LRRFIP1: variants seen among roughly 807,000 people sequenced by gnomAD.
LRRFIP1 encodes the protein leucine-rich repeat flightless-interacting protein 1.
Under a neutral mutation model 104.4 loss-of-function variants are expected in LRRFIP1, and 62 were observed. The ratio of observed to expected loss-of-function variants is 0.59; its 90% CI spans 0.48 to 0.73. LRRFIP1 has a LOEUF of 0.73. LRRFIP1 is among the 30% of genes least tolerant of loss of function. The pLI is 0.00. For synonymous variants in LRRFIP1, 300 were observed against 299.0 expected (o/e 1.00, Z -0.03); for missense variants, 796 against 824.5 (o/e 0.97, Z 0.42).
chr2:237,749,878 A>T (rs1010941780), intron 13 of LRRFIP1, among the ~76,000 whole-genome samples: 1 of 152,064 alleles, frequency 6.6e-6, no homozygotes, highest in Admixed American at 6.6e-5. Context: ...AGTGCCAGGC[A>T]TTTGGTAGTA....
chr2:237,709,397 G>A (rs899478405), intron 2 of LRRFIP1, among the ~76,000 whole-genome samples: 5 of 152,174 alleles, frequency 3.3e-5, no homozygotes, highest in African/African-American at 1.2e-4. Flanking sequence ...CCACCCCCAA[G>A]AGCTTTTCTT....
chr2:237,709,870 T>G (rs1169347520), intron 2 of LRRFIP1, among the ~76,000 whole-genome samples: 3 of 152,070 alleles, frequency 2.0e-5, no homozygotes, highest in East Asian at 1.9e-4. Flanking sequence ...TTTTTTTTTT[T>G]GAGATCAAGT....
chr2:237,714,776 CCT>C (rs1189744995), intron 3 of LRRFIP1, among the ~76,000 whole-genome samples: 2 of 152,278 alleles, frequency 1.3e-5, no homozygotes, highest in African/African-American at 4.8e-5. Context: ...AAATGACGTG[CCT>C]CTCTGTTTCC....
intron 19 of LRRFIP1, chr2:237,768,944 G>A (rs1233175546): frequency 1.3e-5 from 2 of 152,274 alleles, no homozygotes; most frequent in Admixed American, 1.3e-4. Context: ...GGGCGTGTGA[G>A]TTTGGATCTG....
At chr2:237,743,046 A>G (rs149021589) in intron 11 of LRRFIP1, among the ~76,000 whole-genome samples, 347 of 152,058 alleles carry the variant, frequency 2.3e-3, no homozygotes, top group African/African-American at 7.9e-3. Context: ...AAAAAAACAT[A>G]TGGTTACTTT....
rs551231542 is a variant in LRRFIP1, at chr2:237,681,556, G to A, written c.97-26988G>A. 4.1e-4 allele frequency among the ~76,000 whole-genome samples: 62 copies of A among 151,820 alleles called. No homozygotes were observed. In the South Asian group the frequency reaches 7.9e-3, roughly 19 times the overall value. ...TAATTTTTGCATTTTTAGTAGAGACGGGGTTTCACCACATTGGCCAGGCTG... is the reference window on the plus strand; with the variant it reads ...TAATTTTTGCATTTTTAGTAGAGACAGGGTTTCACCACATTGGCCAGGCTG... On this transcript the variant is annotated intron_variant, in intron 1 of 23. Coordinates refer to ENST00000308482, the MANE Select transcript of LRRFIP1 (RefSeq NM_001137550.2).
Position 237,708,646 on chromosome 2 carries a change from C to T in LRRFIP1, c.183+16C>T. On this transcript the variant is annotated intron_variant, in intron 2 of 23. Transcript: ENST00000308482. Reference sequence around the variant, plus strand: ...GCAGAAGGAGGTAACGCTTGGGGCTCCTTGTTGGGTCTTTTCACAGTGATT... The same window carrying T: ...GCAGAAGGAGGTAACGCTTGGGGCTTCTTGTTGGGTCTTTTCACAGTGATT... 1.9e-6 allele frequency: 3 copies of T among 1,586,634 alleles called. No individual in the cohort carries two copies. The highest frequency in any genetic ancestry group is 2.6e-6 in the Non-Finnish European group (3 of 1,164,884).
In LRRFIP1 at chr2:237,719,543, T is replaced by C. The variant is rs781704546; in HGVS notation, c.270T>C (p.Ser90=). 1.9e-6 allele frequency: 3 copies of C among 1,613,546 alleles called. No individual in the cohort carries two copies. In the South Asian group the frequency reaches 3.3e-5, roughly 18 times the overall value. ...GTTAGGAAGACAGTGAGCGCTACTC[T>C]CGTAGATCCAGAAGAAACACATCGG... The part of the protein sequence containing the change: ...EQWMEDSERY[S]RRSRRNTSAS... The change falls in exon 5 of 24, where the codon TCT becomes TCC. Residue 90 remains serine, a synonymous_variant. Coordinates refer to ENST00000308482, the MANE Select transcript of LRRFIP1 (RefSeq NM_001137550.2).
At chr2:237,730,253 G>A (rs146796528) in intron 8 of LRRFIP1, among the ~76,000 whole-genome samples, 1 of 152,292 alleles carries the variant, frequency 6.6e-6, no homozygotes, top group Non-Finnish European at 1.5e-5. Flanking sequence ...GACTAGACTT[G>A]GAAGGAAAAT....
chr2:237,630,416 G>A (rs913326883), intron 1 of LRRFIP1, among the ~76,000 whole-genome samples: 3 of 152,172 alleles, frequency 2.0e-5, no homozygotes, highest in Admixed American at 6.5e-5. Context: ...GGAACCCGGC[G>A]AGGACCTGCC....
chr2:237,777,230 T>A (rs2061168385), intron 23 of LRRFIP1, among the ~76,000 whole-genome samples: 1 of 152,214 alleles, frequency 6.6e-6, no homozygotes, highest in Non-Finnish European at 1.5e-5. Context: ...TATCAGATAA[T>A]ACTATTGTTG....
chr2:237,726,541 C>T (rs2094757943), intron 7 of LRRFIP1, among the ~76,000 whole-genome samples: 2 of 152,208 alleles, frequency 1.3e-5, no homozygotes, highest in Non-Finnish European at 2.9e-5. Context: ...ATTTTCATCT[C>T]ATTTAATCCT....
chr2:237,708,581 C>T lies in LRRFIP1; in HGVS notation c.134C>T (p.Ala45Val), dbSNP rs1325655789. The change falls in exon 2 of 24, where the codon GCG becomes GTG. Residue 45 changes from alanine (A) to valine (V), a missense_variant. Physicochemically the swap from Ala to Val is moderately conservative, Grantham distance 64. Coordinates refer to ENST00000308482, the MANE Select transcript of LRRFIP1 (RefSeq NM_001137550.2). ...ARLAAKRAAR[A>V]EAREIRMKEL... is the part of the protein sequence containing the mutation. ...CTCGCTGCAAAACGGGCGGCCCGCG[C>T]GGAGGCTCGCGAGATCCGCATGAAG... 19 of 1,597,640 alleles carry T rather than the reference C, an allele frequency of 1.2e-5. No individual in the cohort carries two copies. Among genetic ancestry groups the T allele is most frequent in the Middle Eastern group, 3.3e-4 (2 of 5,990 alleles).
chr2:237,658,552 G>A (rs1479661799), intron 1 of LRRFIP1, among the ~76,000 whole-genome samples: 1 of 152,196 alleles, frequency 6.6e-6, no homozygotes, highest in African/African-American at 2.4e-5. Flanking sequence ...GCCCAAGACT[G>A]GGTAATTTAT....
In LRRFIP1 at chr2:237,773,203, T is replaced by C. The variant is rs997798000; in HGVS notation, c.1707+258T>C. On this transcript the variant is annotated intron_variant, in intron 22 of 23. Transcript: ENST00000308482. ...ACAGTTAGTTGTAGAAAATAGCTAA[T>C]GTGGCTTGGGAGTGTTTTAAAATTT... 7.2e-5 allele frequency among the ~76,000 whole-genome samples: 11 copies of C among 152,314 alleles called. No homozygotes were observed. The South Asian group carries it at 2.3e-3, about 32-fold the overall frequency.
intron 1 of LRRFIP1, among the ~76,000 whole-genome samples, chr2:237,701,362 C>T (rs897661860): frequency 6.6e-6 from 1 of 152,260 alleles, no homozygotes; most frequent in African/African-American, 2.4e-5. Flanking sequence ...CACCCTTAGG[C>T]AGTACTCCCA....
chr2:237,708,568 C>A lies in LRRFIP1; in HGVS notation c.121C>A (p.Arg41=). ...REAEARLAAK[R]AARAEAREIR... is the part of the protein sequence containing the mutation. ...GGCGGAAGCCCGGCTCGCTGCAAAA[C>A]GGGCGGCCCGCGCGGAGGCTCGCGA... is the stretch of plus-strand genomic sequence containing the variant. Residue 41 remains arginine, a synonymous_variant, in exon 2 of 24, where the codon CGG becomes AGG. Transcript: ENST00000308482. The A allele has an allele frequency of 6.3e-7, 1 of 1,590,186 alleles. No homozygotes were observed. The highest frequency in any genetic ancestry group is 8.6e-7 in the Non-Finnish European group (1 of 1,165,680).
Position 237,757,440 on chromosome 2 carries a change from C to G in LRRFIP1, c.1132-16C>G. On this transcript the variant is annotated splice_polypyrimidine_tract_variant and intron_variant, in intron 16 of 23. Transcript: ENST00000308482. ...CTTTAACCCTTTATCTGCTTTCTGTCTGTTCCTTTCCTCAGGAAATCCGAC... is the reference window on the plus strand; with the variant it reads ...CTTTAACCCTTTATCTGCTTTCTGTGTGTTCCTTTCCTCAGGAAATCCGAC... The G allele has an allele frequency of 6.5e-7, 1 of 1,544,398 alleles. No individual in the cohort carries two copies. Among genetic ancestry groups the G allele is most frequent in the Non-Finnish European group, 8.8e-7 (1 of 1,135,120 alleles).
At position 237,748,365 on chromosome 2, in the gene LRRFIP1, T is replaced by G; in HGVS notation, c.635T>G (p.Val212Gly). The G allele has an allele frequency of 6.2e-7, 1 of 1,606,158 alleles. No homozygotes were observed. The highest frequency in any genetic ancestry group is 8.5e-7 in the Non-Finnish European group (1 of 1,176,138). The change falls in exon 12 of 24, where the codon GTA becomes GGA. Residue 212 changes from valine to glycine, a missense_variant and splice_region_variant. Val to Gly is a moderately radical substitution (Grantham distance 109, BLOSUM62 -3). Coordinates refer to ENST00000308482, the MANE Select transcript of LRRFIP1 (RefSeq NM_001137550.2). ...RASSARASPV[V>G]EERPEKDFTE... The stretch of plus-strand genomic sequence containing the variant: ...TATTTTGTCTGTTTTCGTCTACAGG[T>G]AGAAGAGAGACCAGAAAAAGATTTT...
Sources: gnomAD v4.1 joint callset for allele counts (sites outside exome capture counted in the v4.1 genomes callset) on GRCh38, gnomAD v4.1.1 for gene constraint, MANE v1.5 for transcripts, NCBI Gene and HGNC (gene_info 2026-07-23, HGNC 2026-07-21) for gene names.